Variants in PCAT7 observed in about 807,000 individuals in gnomAD.
PCAT7 encodes the protein prostate cancer associated transcript 7.
chr9:94,561,095 T>C (rs1338163951), intron 2 of PCAT7, among the ~76,000 whole-genome samples: 1 of 152,178 alleles, frequency 6.6e-6, no homozygotes, highest in African/African-American at 2.4e-5. Context: ...TGACAGCTTA[T>C]AGCGCTCAGC....
chr9:94,554,764 G>A (rs1191765251), upstream of PCAT7, among the ~76,000 whole-genome samples: 1 of 152,194 alleles, frequency 6.6e-6, no homozygotes, highest in Non-Finnish European at 1.5e-5. Context: ...CCACCAACAG[G>A]GAGGGAGTGC....
At chr9:94,563,200 AAC>A (rs1453427335) in intron 2 of PCAT7, 2 of 903,718 alleles carry the variant, frequency 2.2e-6, no homozygotes, top group East Asian at 5.6e-5. Context: ...ACTCAAGGGA[AAC>A]AGAGTTCATT....
At chr9:94,556,154 G>A (rs1248026159) in intron 1 of PCAT7, among the ~76,000 whole-genome samples, 4 of 151,772 alleles carry the variant, frequency 2.6e-5, no homozygotes, top group Admixed American at 6.6e-5. Flanking sequence ...GTAGATAAAG[G>A]GGGAAAAGAG....
chr9:94,555,588 G>A (rs1016039150), intron 1 of PCAT7, among the ~76,000 whole-genome samples: 1 of 148,586 alleles, frequency 6.7e-6, no homozygotes, highest in East Asian at 2.0e-4. Context: ...GTGGTGAGGG[G>A]GGGAAAATGG....
At chr9:94,571,536 A>G in intron 2 of PCAT7, 1 of 1,614,018 alleles carries the variant, frequency 6.2e-7, no homozygotes, top group Non-Finnish European at 8.5e-7. Flanking sequence ...TACAGCGCAT[A>G]ACCTGCGGCC....
chr9:94,565,769 ATGATAGATAGAT>A (rs1207172529), intron 2 of PCAT7, among the ~76,000 whole-genome samples: 1 of 43,610 alleles, frequency 2.3e-5, no homozygotes. Context: ...AGATACATAG[ATGATAGATAGAT>A]AGATAGATGA....
chr9:94,563,108 G>C (rs533027526), intron 2 of PCAT7, among the ~76,000 whole-genome samples: 59 of 152,282 alleles, frequency 3.9e-4, no homozygotes, highest in African/African-American at 1.3e-3. Context: ...GAGGCTGGAG[G>C]GGGTAAGACC....
intron 2 of PCAT7, among the ~76,000 whole-genome samples, chr9:94,572,467 C>A (rs959853276): frequency 2.0e-5 from 3 of 152,142 alleles, no homozygotes; most frequent in Non-Finnish European, 4.4e-5. Context: ...CTTTGTAAAC[C>A]CGAATGTTCT....
chr9:94,566,706 C>A (rs1827194784), intron 2 of PCAT7, among the ~76,000 whole-genome samples: 1 of 152,184 alleles, frequency 6.6e-6, no homozygotes, highest in South Asian at 2.1e-4. Context: ...CATTTTTCTT[C>A]AGCAAATAAC....
intron 1 of PCAT7, among the ~76,000 whole-genome samples, chr9:94,556,821 G>A (rs1202380201): frequency 6.6e-6 from 1 of 152,118 alleles, no homozygotes; most frequent in East Asian, 1.9e-4. Flanking sequence ...ATAGTTTCAG[G>A]TCCTGCATTT....
At chr9:94,571,978 C>A (rs2131451192) in intron 2 of PCAT7, among the ~76,000 whole-genome samples, 1 of 152,230 alleles carries the variant, frequency 6.6e-6, no homozygotes. Context: ...ACTCAACAGC[C>A]CTTTGGGGCA....
chr9:94,573,689 G>A (rs1827291079), intron 3 of PCAT7, among the ~76,000 whole-genome samples: 1 of 152,186 alleles, frequency 6.6e-6, no homozygotes, highest in African/African-American at 2.4e-5. Context: ...CTCAGCCATG[G>A]TGTATAATTT....
At chr9:94,560,743 ATATGT>A (rs1424215509) in intron 2 of PCAT7, among the ~76,000 whole-genome samples, 1 of 147,590 alleles carries the variant, frequency 6.8e-6, no homozygotes, top group African/African-American at 2.5e-5. Flanking sequence ...TTTACATATA[ATATGT>A]TATATATTTA....
At chr9:94,560,697 T>C (rs1352394702) in intron 2 of PCAT7, among the ~76,000 whole-genome samples, 1 of 148,122 alleles carries the variant, frequency 6.8e-6, no homozygotes, top group Non-Finnish European at 1.5e-5. Context: ...TTTTCTATTA[T>C]ATATTTATAT....
intron 1 of PCAT7, among the ~76,000 whole-genome samples, chr9:94,555,749 AG>A (rs1472041898): frequency 1.3e-5 from 2 of 151,840 alleles, no homozygotes; most frequent in East Asian, 3.9e-4. Context: ...GTGGCAGAAA[AG>A]AAAGATGGTG....
At chr9:94,563,543 GT>G in intron 2 of PCAT7, 1 of 1,495,818 alleles carries the variant, frequency 6.7e-7, no homozygotes, top group South Asian at 1.2e-5. Context: ...AGTCCAGTTG[GT>G]GTGACCTCTG....
intron 2 of PCAT7, among the ~76,000 whole-genome samples, chr9:94,561,435 T>A (rs981883536): frequency 1.8e-4 from 25 of 138,020 alleles, no homozygotes; most frequent in Non-Finnish European, 3.7e-4. Flanking sequence ...CGATCTCGGC[T>A]CACTGCAAGC....
At chr9:94,564,660 G>C (rs1483179938) in intron 2 of PCAT7, among the ~76,000 whole-genome samples, 1 of 152,152 alleles carries the variant, frequency 6.6e-6, no homozygotes, top group East Asian at 1.9e-4. Context: ...GGGCCTACGT[G>C]AGGGTGGAGG....
chr9:94,559,128 C>A lies in PCAT7; in HGVS notation n.417C>A, dbSNP rs541509845. On this transcript the variant is annotated non_coding_transcript_exon_variant, in exon 2 of 9. Coordinates refer to ENST00000647389, the Ensembl canonical transcript of PCAT7. ...CACGGGATTGCATTCATACAGGAGC[C>A]GGAGCTGTGGAGGAACAGAGGCAGG... 11 of 1,609,562 alleles carry A rather than the reference C, an allele frequency of 6.8e-6. No individual in the cohort carries two copies. The East Asian group carries it at 2.5e-4, about 36-fold the overall frequency.
Sources: gnomAD v4.1 joint callset for allele counts (sites outside exome capture counted in the v4.1 genomes callset) on GRCh38, gnomAD v4.1.1 for gene constraint, MANE v1.5 for transcripts, NCBI Gene and HGNC (gene_info 2026-07-23, HGNC 2026-07-21) for gene names.